PCSK4: variants seen among roughly 807,000 people sequenced by gnomAD.
PCSK4 encodes testicular tissue protein Li 135.
Under a neutral mutation model 80.3 loss-of-function variants are expected in PCSK4, and 64 were observed. That is an observed-to-expected ratio of 0.80 (90% confidence interval 0.65 to 0.98). The LOEUF (loss-of-function observed/expected upper bound fraction) is 0.98, where lower values mean the gene tolerates loss of function less well. PCSK4 is among the 50% of genes least tolerant of loss of function. The pLI, the probability that PCSK4 is intolerant of heterozygous loss-of-function variation, is 0.00. For synonymous variants in PCSK4, 561 were observed against 487.6 expected, an observed-to-expected ratio of 1.15 and a Z score of -1.98; for missense variants, 1,213 against 1,093.6, an observed-to-expected ratio of 1.11 and a Z score of -1.54.
intron 1 of PCSK4, 32 bp from the exon 2 acceptor site, chr19:1,489,929 G>A (rs2084851855): frequency 6.3e-7 from 1 of 1,575,802 alleles, no homozygotes; most frequent in Middle Eastern, 2.0e-4. Context: ...CGCACCGATG[G>A]GACCCGGCTC....
At chr19:1,485,480 G>T (rs4807118) in intron 8 of PCSK4, among the ~76,000 whole-genome samples, 1 of 152,036 alleles carries the variant, frequency 6.6e-6, no homozygotes, top group Non-Finnish European at 1.5e-5. Context: ...CACAAGAATC[G>T]CTTGAGCCCG....
At chr19:1,487,917 C>A in intron 4 of PCSK4, 47 bp downstream of exon 4, 1 of 1,584,558 alleles carries the variant, frequency 6.3e-7, no homozygotes, top group Non-Finnish European at 8.6e-7. Context: ...GTGGTGCCAG[C>A]CTCGGCACCT....
chr19:1,485,122 T>G (rs942331514), intron 8 of PCSK4, among the ~76,000 whole-genome samples: 8 of 151,804 alleles, frequency 5.3e-5, no homozygotes, highest in Non-Finnish European at 1.2e-4. Flanking sequence ...CACTCCAACC[T>G]GGGTGACAGA....
chr19:1,483,044 GTGGGGGTGTCAAGAGGGA>G, intron 12 of PCSK4, 24 bp from the exon 13 acceptor site: 1 of 1,494,068 alleles, frequency 6.7e-7, no homozygotes, highest in Non-Finnish European at 9.0e-7. Context: ...GTGGGTGGGG[GTGGGGGTGTCAAGAGGGA>G]TGGCTTTGTG....
chr19:1,487,329 G>A lies in PCSK4; in HGVS notation c.683-16C>T, dbSNP rs761014333. On this transcript the variant is annotated splice_polypyrimidine_tract_variant and intron_variant, in intron 6 of 14. Transcript: ENST00000300954. Reference sequence around the variant, plus strand: ...ATCCGTACGCCTGCAGAGCCAGGGCGGGAGGGCCGCTGCCACCGGCCCTGC... The same window carrying A: ...ATCCGTACGCCTGCAGAGCCAGGGCAGGAGGGCCGCTGCCACCGGCCCTGC... 4.0e-5 allele frequency: 63 copies of A among 1,569,300 alleles called. No individual in the cohort carries two copies. The highest frequency in any genetic ancestry group is 1.4e-4 in the East Asian group (6 of 44,160).
chr19:1,487,207 G>A (rs1037620214), exon 7 of PCSK4: 27 of 1,607,914 alleles, frequency 1.7e-5, no homozygotes, highest in Non-Finnish European at 2.0e-5. Flanking sequence ...TGCGGCCGTC[G>A]TCCTCGGGAC....
exon 10 of PCSK4, chr19:1,483,849 A>ACGC: frequency 6.7e-7 from 1 of 1,492,976 alleles, no homozygotes; most frequent in Non-Finnish European, 8.8e-7. Flanking sequence ...TTGGCGCCCC[A>ACGC]CGCCGTTGGT....
At chr19:1,483,187 T>TATGGGCCTGGCCCCTCCC in intron 12 of PCSK4, 97 bp downstream of exon 12, 1 of 1,329,794 alleles carries the variant, frequency 7.5e-7, no homozygotes, top group Non-Finnish European at 1.0e-6. Flanking sequence ...GTGTGACTCC[T>TATGGGCCTGGCCCCTCCC]ATGGGCCTGG....
At position 1,487,768 on chromosome 19, in the gene PCSK4, G is replaced by A. The variant is rs1345641877; in HGVS notation, c.593+17C>T. The A allele has an allele frequency of 1.9e-6, 3 of 1,564,182 alleles. No individual in the cohort carries two copies. In the East Asian group the frequency reaches 7.1e-5, roughly 37 times the overall value. The stretch of plus-strand genomic sequence containing the variant: ...GGTACTGGGGCTTCCCCCGTGTGCT[G>A]TGGGAGCCCTGCTCACCGGTTCTCT... On this transcript the variant is annotated intron_variant, in intron 5 of 14. Transcript: ENST00000300954.
chr19:1,482,746 G>C, intron 13 of PCSK4, 150 bp downstream of exon 13: 3 of 854,214 alleles, frequency 3.5e-6, no homozygotes, highest in Non-Finnish European at 5.4e-6. Context: ...ACCATCTCCC[G>C]GGTGACTGCA....
Position 1,489,982 on chromosome 19 carries a change from G to C in PCSK4, c.190-85C>G. The C allele has an allele frequency of 2.0e-6, 3 of 1,535,466 alleles. No individual in the cohort carries two copies. The Admixed American group carries it at 5.9e-5, about 30-fold the overall frequency. On this transcript the variant is annotated intron_variant, in intron 1 of 14. Coordinates refer to ENST00000300954, the Ensembl canonical transcript of PCSK4. ...AGGGCCGGTAACAGCCCCCTTCTTT[G>C]TCCTTCCCCAGCAGGTGCTCTCTGG...
chr19:1,485,970 T>C (rs1207172745), intron 8 of PCSK4, among the ~76,000 whole-genome samples: 1 of 151,876 alleles, frequency 6.6e-6, no homozygotes, highest in Non-Finnish European at 1.5e-5. Flanking sequence ...GTTTTTGTTT[T>C]GTTTTGTTTT....
intron 8 of PCSK4, among the ~76,000 whole-genome samples, chr19:1,484,508 C>G (rs1029544739): frequency 1.4e-5 from 2 of 147,948 alleles, no homozygotes; most frequent in Non-Finnish European, 3.0e-5. Flanking sequence ...AAAAAAAGTA[C>G]TAACGACTGA....
upstream of PCSK4, chr19:1,490,555 C>T (rs2084897443): frequency 6.1e-6 from 3 of 489,822 alleles, no homozygotes; most frequent in Non-Finnish European, 1.1e-5. Flanking sequence ...CGCAGACCCA[C>T]ACCCTCGGGA....
chr19:1,483,525 C>G, intron 11 of PCSK4, 62 bp from the exon 12 acceptor site: 2 of 1,424,402 alleles, frequency 1.4e-6, no homozygotes, highest in Non-Finnish European at 1.9e-6. Context: ...GGGCGGCCAG[C>G]AGGCGAGGTC....
exon 15 of PCSK4, chr19:1,481,807 G>A: frequency 6.6e-7 from 1 of 1,526,280 alleles, no homozygotes; most frequent in Non-Finnish European, 8.8e-7. Context: ...GGGTGGCCCT[G>A]GCACGGGAGA....
chr19:1,482,102 G>A, exon 15 of PCSK4: 8 of 1,550,856 alleles, frequency 5.2e-6, no homozygotes, highest in Non-Finnish European at 6.1e-6. Flanking sequence ...CGCGGGCGCC[G>A]CCGTGTGCCC....
intron 8 of PCSK4, 121 bp downstream of exon 8, chr19:1,486,732 T>A: frequency 1.2e-6 from 1 of 846,484 alleles, no homozygotes; most frequent in Non-Finnish European, 1.9e-6. Flanking sequence ...GTGCTCGGCC[T>A]GGATTTGCAT....
exon 15 of PCSK4, chr19:1,482,095 G>A (rs771260348): frequency 2.1e-5 from 32 of 1,549,936 alleles, no homozygotes; most frequent in South Asian, 1.9e-4. Flanking sequence ...CCCTCAGCGC[G>A]GGCGCCGCCG....
Sources: allele counts gnomAD v4.1 joint callset (sites outside exome capture counted in the v4.1 genomes callset), GRCh38; gene constraint gnomAD v4.1.1; transcripts MANE v1.5; gene names NCBI Gene and HGNC (gene_info 2026-07-23, HGNC 2026-07-21).